GRIA2: variants seen among roughly 807,000 people sequenced by gnomAD.
GRIA2 encodes the protein glutamate receptor 2.
In GRIA2, 14 loss-of-function variants were observed where a neutral mutation model predicts 97.3. The ratio of observed to expected loss-of-function variants is 0.14; its 90% confidence interval spans 0.10 to 0.23. GRIA2 has a LOEUF of 0.23. Ranked by LOEUF, GRIA2 falls within the 10% of genes least tolerant of loss-of-function variation. GRIA2 has a pLI of 1.00. For missense variants in GRIA2, 558 were observed against 1,069.8 expected, an observed-to-expected ratio of 0.52 and a Z score of 6.67; for synonymous variants, 412 against 387.8, an observed-to-expected ratio of 1.06 and a Z score of -0.73.
At chr4:157,247,320 T>G (rs1290448337) in intron 2 of GRIA2, among the ~76,000 whole-genome samples, 3 of 152,178 alleles carry the variant, frequency 2.0e-5, no homozygotes, top group Non-Finnish European at 2.9e-5. Flanking sequence ...ATATGTTTGG[T>G]ACATGAATCC....
intron 6 of GRIA2, among the ~76,000 whole-genome samples, chr4:157,332,273 T>A (rs1355474056): frequency 6.6e-6 from 1 of 151,876 alleles, no homozygotes; most frequent in South Asian, 2.1e-4. Flanking sequence ...AATTATGAAG[T>A]TTTGTGGTTC....
At chr4:157,345,070 A>G (rs1735711948) in intron 12 of GRIA2, among the ~76,000 whole-genome samples, 1 of 152,092 alleles carries the variant, frequency 6.6e-6, no homozygotes, top group African/African-American at 2.4e-5. Flanking sequence ...GTTAAAGTCT[A>G]AGATATTTTC....
intron 2 of GRIA2, among the ~76,000 whole-genome samples, chr4:157,260,306 T>C (rs768447540): frequency 4.6e-5 from 7 of 152,124 alleles, no homozygotes; most frequent in Admixed American, 1.3e-4. Flanking sequence ...ACAATAAAAA[T>C]AGACCCCATA....
intron 3 of GRIA2, among the ~76,000 whole-genome samples, chr4:157,306,282 T>G (rs1315103515): frequency 1.3e-5 from 2 of 152,036 alleles, no homozygotes; most frequent in African/African-American, 4.8e-5. Context: ...GAAACTCTAG[T>G]GTGTGAGGAG....
chr4:157,262,749 C>T (rs938551377), intron 2 of GRIA2, among the ~76,000 whole-genome samples: 2 of 151,942 alleles, frequency 1.3e-5, no homozygotes, highest in Non-Finnish European at 2.9e-5. Flanking sequence ...AGCTCAATTT[C>T]CCTCTCTCTC....
intron 2 of GRIA2, among the ~76,000 whole-genome samples, chr4:157,266,901 T>C (rs1343112290): frequency 5.9e-5 from 9 of 151,406 alleles, no homozygotes; most frequent in Non-Finnish European, 1.3e-4. Flanking sequence ...TCTACAAAAA[T>C]ATTTAACAAT....
In GRIA2 at chr4:157,361,532, G is replaced by A. The variant is rs1422299005; in HGVS notation, c.2406+408G>A. 3 of 1,535,898 alleles carry A rather than the reference G, an allele frequency of 2.0e-6. No homozygotes were observed. Among genetic ancestry groups the A allele is most frequent in the Non-Finnish European group, 2.7e-6 (3 of 1,109,366 alleles). On this transcript the variant is annotated intron_variant, in intron 14 of 15. Transcript: ENST00000264426. This position sits in a 1 kb window ranked among gnomAD's most constrained non-coding sequence, Gnocchi z 5.2. ...TAATGTTATTTATGTTATTTTCCAC[G>A]TGAAGAACCCCAGTAAATCTTGCAG...
chr4:157,267,227 C>A (rs1731811070), intron 2 of GRIA2, among the ~76,000 whole-genome samples: 1 of 151,544 alleles, frequency 6.6e-6, no homozygotes, highest in Admixed American at 6.6e-5. Context: ...AGTTTGAGAC[C>A]AGCCTGGCCA....
At chr4:157,333,578 T>C (rs1353878135) in intron 8 of GRIA2, among the ~76,000 whole-genome samples, 1 of 152,072 alleles carries the variant, frequency 6.6e-6, no homozygotes, top group African/African-American at 2.4e-5. Flanking sequence ...TGTTGAACTT[T>C]AATTTTTTAG....
intron 2 of GRIA2, among the ~76,000 whole-genome samples, chr4:157,297,945 G>A (rs1010499704): frequency 1.3e-5 from 2 of 151,788 alleles, no homozygotes; most frequent in African/African-American, 2.4e-5. Flanking sequence ...AGTAAATAAA[G>A]GATGACAGCT....
intron 5 of GRIA2, among the ~76,000 whole-genome samples, chr4:157,319,581 A>T (rs2126901053): frequency 6.6e-6 from 1 of 152,224 alleles, no homozygotes; most frequent in Non-Finnish European, 1.5e-5. Context: ...ATAGTGTTGC[A>T]ATTTCTGAGA....
intron 2 of GRIA2, among the ~76,000 whole-genome samples, chr4:157,267,652 T>C (rs1731833272): frequency 6.6e-6 from 1 of 152,100 alleles, no homozygotes; most frequent in South Asian, 2.1e-4. Context: ...TGTTTGTTTT[T>C]TCTTGGAACT....
chr4:157,303,864 A>G (rs1733725053), intron 3 of GRIA2, 73 bp downstream of exon 3: 5 of 1,470,102 alleles, frequency 3.4e-6, no homozygotes, highest in Non-Finnish European at 3.8e-6. Context: ...TATGGATGTT[A>G]TAAAGCTACA....
chr4:157,317,633 A>G (rs929183167), intron 4 of GRIA2, 25 bp from the exon 5 acceptor site: 1 of 851,222 alleles, frequency 1.2e-6, no homozygotes, highest in South Asian at 1.6e-5. Context: ...TATTAATTAA[A>G]TAATTACTTA....
intron 2 of GRIA2, among the ~76,000 whole-genome samples, chr4:157,300,550 G>A (rs1012898254): frequency 3.3e-5 from 5 of 152,012 alleles, no homozygotes; most frequent in African/African-American, 1.2e-4. Flanking sequence ...CCGAATGGCT[G>A]TTAACTGTAT....
rs1291614339 is a variant in GRIA2 at position 157,259,114 on chromosome 4, C to T, written c.229+37307C>T. ...GTGGTGGTGTGCACCTGTGGTCCCA[C>T]CTACTAAGGAGGCTGAAATGAGAGG... On this transcript the variant is annotated intron_variant, in intron 2 of 15. Transcript: ENST00000264426. Among the ~76,000 whole-genome samples, 3 of 151,942 alleles carry T rather than the reference C, an allele frequency of 2.0e-5. No homozygotes were observed. The East Asian group carries it at 5.8e-4, about 30-fold the overall frequency.
At chr4:157,333,557 A>G (rs1006186252) in intron 8 of GRIA2, among the ~76,000 whole-genome samples, 2 of 152,034 alleles carry the variant, frequency 1.3e-5, no homozygotes, top group Non-Finnish European at 2.9e-5. Context: ...AAAAATAATT[A>G]TAGGTAGAGC....
intron 2 of GRIA2, among the ~76,000 whole-genome samples, chr4:157,288,020 T>G (rs1412492173): frequency 2.0e-5 from 3 of 151,726 alleles, no homozygotes; most frequent in African/African-American, 7.2e-5. Context: ...GAACCTAGTG[T>G]GCTGTAAAAA....
rs1057143873 is a variant in GRIA2, at chr4:157,220,742, G to A, written c.-301G>A. On this transcript the variant is annotated 5_prime_UTR_variant, in exon 1 of 16. Transcript: ENST00000264426. ...CGAGAGAGGGTGAGTGTGTGTGAGT[G>A]CATGGGAGGGTGCTGAATATTCCGA... 8 of 464,916 alleles carry A rather than the reference G, an allele frequency of 1.7e-5. No individual in the cohort carries two copies. The highest frequency in any genetic ancestry group is 3.1e-5 in the Non-Finnish European group (8 of 254,770). The allele number at this position is 464,916 out of a possible 1,614,324, so 28.8% of individuals were successfully genotyped here.
Sources: allele counts gnomAD v4.1 joint callset (sites outside exome capture counted in the v4.1 genomes callset), GRCh38; gene constraint gnomAD v4.1.1; non-coding constraint Gnocchi (gnomAD v3.1); transcripts MANE v1.5; gene names NCBI Gene and HGNC (gene_info 2026-07-23, HGNC 2026-07-21).